The following ARSF variants were observed in gnomAD, a reference collection of about 807,000 sequenced individuals.
ARSF encodes the protein arylsulfatase F.
In ARSF, 33 loss-of-function variants were observed where a neutral mutation model predicts 35.4. The observed-to-expected ratio is 0.93, with a 90% CI of 0.71 to 1.25. ARSF has a LOEUF of 1.25. Among genes scored for constraint, ARSF ranks in the 50% most tolerant of loss-of-function variants. ARSF has a pLI of 0.00. For missense variants in ARSF, 501 were observed against 480.2 expected, an observed-to-expected ratio of 1.04 and a Z score of -0.40; for synonymous variants, 222 against 193.1, an observed-to-expected ratio of 1.15 and a Z score of -1.24.
At chrX:3,072,220 G>A in intron 3 of ARSF, 45 bp downstream of exon 3, 1 of 1,179,011 alleles carries the variant, frequency 8.5e-7, no homozygotes, top group Non-Finnish European at 1.1e-6. Flanking sequence ...AGTCGTTCAG[G>A]TTCAGCAGGC....
intron 1 of ARSF, among the ~76,000 whole-genome samples, chrX:3,059,165 T>C (rs1288631911): frequency 1.8e-5 from 2 of 111,468 alleles, no homozygotes; most frequent in African/African-American, 6.5e-5. Flanking sequence ...TATTTTATTG[T>C]TTGGATTGAA....
chrX:3,107,701 T>A (rs1335875531), intron 9 of ARSF, among the ~76,000 whole-genome samples: 2 of 111,895 alleles, frequency 1.8e-5, no homozygotes, highest in Non-Finnish European at 1.9e-5. Flanking sequence ...TCTAAATTTT[T>A]AAAATTGATA....
chrX:3,101,040 A>G (rs765351279), intron 7 of ARSF, 47 bp from the exon 8 acceptor site: 1 of 1,163,077 alleles, frequency 8.6e-7, no homozygotes, highest in South Asian at 1.9e-5. Flanking sequence ...GGGGTGAAAT[A>G]CCTCATAATG....
rs1399909494 is a variant in ARSF, at chrX:3,110,138, G to A, written c.1276G>A (p.Gly426Ser). 8.4e-7 allele frequency: 1 copy of A among 1,184,671 alleles called. No homozygotes were observed. Among genetic ancestry groups the A allele is most frequent in the Non-Finnish European group, 1.1e-6 (1 of 881,451 alleles). The change falls in exon 10 of 11, where the codon GGC becomes AGC. Residue 426 changes from glycine to serine, a missense_variant. By Grantham distance (56) the Gly-to-Ser change is moderately conservative (BLOSUM62 0). Transcript: ENST00000381127. ...GSLPQDRVID[G>S]RDLMPLLQGN... Reference sequence around the variant, plus strand: ...TCTGTGTCTCTGCAGGGTCATTGACGGCCGAGACCTCATGCCCTTGCTGCA... The same window carrying A: ...TCTGTGTCTCTGCAGGGTCATTGACAGCCGAGACCTCATGCCCTTGCTGCA...
chrX:3,046,074 C>T (rs2089974223), intron 1 of ARSF, among the ~76,000 whole-genome samples: 2 of 108,026 alleles, frequency 1.9e-5, no homozygotes, highest in Admixed American at 1.0e-4. Flanking sequence ...TAAGTAGAGA[C>T]GGGGTTTCAC....
At chrX:3,050,643 T>C (rs760589960) in intron 1 of ARSF, among the ~76,000 whole-genome samples, 21 of 110,493 alleles carry the variant, frequency 1.9e-4, no homozygotes, top group African/African-American at 5.9e-4. Context: ...AAGTGTATGG[T>C]TGACCTTTAG....
chrX:3,062,098 C>T (rs1209691674), intron 1 of ARSF, among the ~76,000 whole-genome samples: 4 of 109,479 alleles, frequency 3.7e-5, no homozygotes, highest in Admixed American at 9.8e-5. Flanking sequence ...TCACAACAAA[C>T]TGTCTCTCAG....
intron 7 of ARSF, among the ~76,000 whole-genome samples, chrX:3,096,523 C>T (rs2090339120): frequency 9.0e-6 from 1 of 111,113 alleles, no homozygotes; most frequent in African/African-American, 3.3e-5. Context: ...GAAATACACA[C>T]TGAATAAACT....
intron 1 of ARSF, among the ~76,000 whole-genome samples, chrX:3,055,342 C>CAAAAAAAAAAAAAAAAAAAAA (rs770014108): frequency 9.2e-5 from 3 of 32,461 alleles, no homozygotes; most frequent in Non-Finnish European, 1.2e-4. Context: ...AACTCCATTT[C>CAAAAAAAAAAAAAAAAAAAAA]AAAAAAAAAA....
chrX:3,067,765 A>C (rs1179667385), intron 1 of ARSF, among the ~76,000 whole-genome samples: 1 of 109,524 alleles, frequency 9.1e-6, no homozygotes, highest in African/African-American at 3.3e-5. Context: ...AGGCTGAGGC[A>C]GGAGAATGGC....
chrX:3,102,393 C>G (rs971395631), intron 8 of ARSF, among the ~76,000 whole-genome samples: 8 of 111,976 alleles, frequency 7.1e-5, no homozygotes, highest in African/African-American at 2.6e-4. Flanking sequence ...GTTTTCCATT[C>G]CTGAGTTACT....
At chrX:3,108,770 A>G (rs1390685570) in intron 9 of ARSF, among the ~76,000 whole-genome samples, 1 of 111,766 alleles carries the variant, frequency 8.9e-6, no homozygotes, top group Non-Finnish European at 1.9e-5. Flanking sequence ...TATTCCCAGC[A>G]CTTTGGGAGG....
intron 3 of ARSF, among the ~76,000 whole-genome samples, chrX:3,076,273 C>G (rs2090148631): frequency 9.2e-6 from 1 of 109,090 alleles, no homozygotes; most frequent in Admixed American, 1.0e-4. Context: ...TTCTCTGTCT[C>G]TTTTCATCTC....
At chrX:3,056,020 C>G (rs760114701) in intron 1 of ARSF, among the ~76,000 whole-genome samples, 2 of 111,672 alleles carry the variant, frequency 1.8e-5, no homozygotes, top group Non-Finnish European at 3.8e-5. Context: ...GGTGGAATTA[C>G]GATACGGCTC....
intron 3 of ARSF, among the ~76,000 whole-genome samples, chrX:3,073,506 C>A (rs2090121463): frequency 1.1e-5 from 1 of 87,299 alleles, no homozygotes; most frequent in Non-Finnish European, 2.1e-5. Context: ...TGCTGATTAC[C>A]CTGATCTGAT....
At position 3,051,995 on chromosome X, in the gene ARSF, A is replaced by G. The variant is rs185102520; in HGVS notation, c.-29+10332A>G. Among the ~76,000 whole-genome samples, 24 of 110,802 alleles carry G rather than the reference A, an allele frequency of 2.2e-4. No individual in the cohort carries two copies. The East Asian group carries it at 6.0e-3, about 28-fold the overall frequency. ...GCAACCAAGCGAGATGCTGTCTCAA[A>G]ACAACAACAACAACAAAAAGAACAA... On this transcript the variant is annotated intron_variant, in intron 1 of 10. Coordinates refer to ENST00000381127, the MANE Select transcript of ARSF (RefSeq NM_001201539.2).
At chrX:3,099,490 T>C (rs1389390362) in intron 7 of ARSF, among the ~76,000 whole-genome samples, 1 of 111,349 alleles carries the variant, frequency 9.0e-6, no homozygotes, top group Non-Finnish European at 1.9e-5. Context: ...AGACCGGGTA[T>C]CATCTAGAAT....
intron 1 of ARSF, among the ~76,000 whole-genome samples, chrX:3,063,483 G>A (rs1337421331): frequency 2.7e-5 from 3 of 111,320 alleles, no homozygotes; most frequent in Non-Finnish European, 3.8e-5. Context: ...AGAAAGAAAG[G>A]GTTTTCAATT....
chrX:3,101,858 T>C (rs1046308954), intron 8 of ARSF, among the ~76,000 whole-genome samples: 3 of 112,408 alleles, frequency 2.7e-5, no homozygotes, highest in Admixed American at 9.4e-5. Flanking sequence ...AGAAAAAAGA[T>C]AATTATCTGG....
Sources: allele counts gnomAD v4.1 joint callset (sites outside exome capture counted in the v4.1 genomes callset), GRCh38; gene constraint gnomAD v4.1.1; transcripts MANE v1.5; gene names NCBI Gene and HGNC (gene_info 2026-07-23, HGNC 2026-07-21).